The following SEZ6 variants were observed in gnomAD, a reference collection of about 807,000 sequenced individuals.
SEZ6 encodes the protein seizure protein 6 homolog.
SEZ6 carries 53 observed loss-of-function variants against 101.0 expected under a neutral mutation model. The ratio of observed to expected loss-of-function variants is 0.52; its 90% CI spans 0.42 to 0.66. SEZ6 has a LOEUF of 0.66. Ranked by LOEUF, SEZ6 falls within the 30% of genes least tolerant of loss-of-function variation. The pLI, the probability that SEZ6 is intolerant of heterozygous loss-of-function variation, is 0.00. For missense variants in SEZ6, 1,102 were observed against 1,289.4 expected, an observed-to-expected ratio of 0.85 and a Z score of 2.23; for synonymous variants, 488 against 512.2, an observed-to-expected ratio of 0.95 and a Z score of 0.64.
intron 1 of SEZ6, among the ~76,000 whole-genome samples, chr17:28,997,545 C>T (rs770913339): frequency 6.6e-6 from 1 of 152,228 alleles, no homozygotes; most frequent in African/African-American, 2.4e-5. Flanking sequence ...AGCTGGCGCT[C>T]ACCCCCACTG....
At chr17:28,991,934 C>T (rs1425912214) in intron 1 of SEZ6, among the ~76,000 whole-genome samples, 1 of 152,246 alleles carries the variant, frequency 6.6e-6, no homozygotes, top group Non-Finnish European at 1.5e-5. Context: ...GCCAGGAACA[C>T]TTAGCTTCGT....
chr17:28,965,948 G>C (rs560688482), intron 4 of SEZ6, among the ~76,000 whole-genome samples: 5 of 151,220 alleles, frequency 3.3e-5, no homozygotes, highest in African/African-American at 4.9e-5. Flanking sequence ...AGACCAGCCT[G>C]GCCAACATGG....
chr17:28,986,299 T>C (rs1026851691), intron 1 of SEZ6, among the ~76,000 whole-genome samples: 2 of 152,052 alleles, frequency 1.3e-5, no homozygotes, highest in Admixed American at 6.5e-5. Flanking sequence ...GGCCCCTTCC[T>C]CCCAACCCCA....
At chr17:28,965,463 G>C (rs946149921) in intron 4 of SEZ6, among the ~76,000 whole-genome samples, 1 of 151,940 alleles carries the variant, frequency 6.6e-6, no homozygotes, top group Admixed American at 6.6e-5. Flanking sequence ...ACATAGTGAG[G>C]TCCCCATCTC....
intron 4 of SEZ6, 141 bp downstream of exon 4, chr17:28,969,616 G>A: frequency 1.3e-6 from 1 of 767,650 alleles, no homozygotes; most frequent in South Asian, 2.7e-5. Flanking sequence ...ATTGTCCAGA[G>A]CTTCACTGGA....
chr17:28,986,336 T>A (rs902199905), intron 1 of SEZ6, among the ~76,000 whole-genome samples: 1 of 152,090 alleles, frequency 6.6e-6, no homozygotes, highest in African/African-American at 2.4e-5. Context: ...GAGGACCGCT[T>A]ACCCCGCCTC....
At chr17:29,002,832 A>T (rs2041633050) in intron 1 of SEZ6, among the ~76,000 whole-genome samples, 1 of 152,194 alleles carries the variant, frequency 6.6e-6, no homozygotes. Flanking sequence ...TAACCCTTGC[A>T]GCACTAGGGC....
At position 28,960,797 on chromosome 17, in the gene SEZ6, C is replaced by A; in HGVS notation, c.1409+8G>T. 2.5e-6 allele frequency: 4 copies of A among 1,613,762 alleles called. No homozygotes were observed. Among genetic ancestry groups the A allele is most frequent in the Non-Finnish European group, 3.4e-6 (4 of 1,179,776 alleles). ...AGGCACTCCCATTCCACTAGGACAG[C>A]CCCTCACCTGTCATCATCCTCTGCC... On this transcript the variant is annotated splice_region_variant and intron_variant, in intron 6 of 16. Transcript: ENST00000317338.
intron 4 of SEZ6, among the ~76,000 whole-genome samples, chr17:28,966,224 T>G (rs1349369537): frequency 1.3e-5 from 2 of 151,204 alleles, no homozygotes. Flanking sequence ...CTCACACCTG[T>G]AATCCCAGCA....
chr17:28,977,398 G>A (rs892410717), intron 3 of SEZ6, among the ~76,000 whole-genome samples: 2 of 152,348 alleles, frequency 1.3e-5, no homozygotes, highest in South Asian at 4.1e-4. Context: ...TGTCCCCAAG[G>A]ACCCTGCCCC....
At position 28,981,610 on chromosome 17, in the gene SEZ6, G is replaced by A; in HGVS notation, c.485C>T (p.Ala162Val). ...TAPLPPGPSM[A>V]VPTLGPGEIA... ...CTCCCCTGGGCCTAGGGTGGGCACT[G>A]CCATGCTGGGCCCTGGAGGTAGGGG... The change falls in exon 2 of 17, where the codon GCA becomes GTA. Residue 162 changes from alanine (A) to valine (V), a missense_variant. By Grantham distance (64) the Ala-to-Val change is moderately conservative. Around this residue, in one of 3 missense-constraint regions of SEZ6, gnomAD observed 406 missense variants for 418.6 expected, o/e 0.97. Coordinates refer to ENST00000317338, the MANE Select transcript of SEZ6 (RefSeq NM_178860.5). 6.3e-7 allele frequency: 1 copy of A among 1,596,248 alleles called. No individual in the cohort carries two copies. The highest frequency in any genetic ancestry group is 1.7e-5 in the Admixed American group (1 of 58,894).
chr17:28,988,684 C>CAAGAAA (rs2041416643), intron 1 of SEZ6, among the ~76,000 whole-genome samples: 1 of 152,218 alleles, frequency 6.6e-6, no homozygotes. Flanking sequence ...CTTGGTCAAC[C>CAAGAAA]CCTGCAGTCC....
chr17:28,968,707 C>T (rs191540011), intron 4 of SEZ6, among the ~76,000 whole-genome samples: 1 of 152,158 alleles, frequency 6.6e-6, no homozygotes, highest in South Asian at 2.1e-4. Context: ...TCCAAGCAGC[C>T]CCATCTCCAG....
At chr17:28,976,721 T>A (rs2041226040) in intron 3 of SEZ6, among the ~76,000 whole-genome samples, 1 of 152,130 alleles carries the variant, frequency 6.6e-6, no homozygotes, top group Non-Finnish European at 1.5e-5. Context: ...CGGAAGCCCT[T>A]ACCCTTACCC....
intron 3 of SEZ6, 119 bp downstream of exon 3, chr17:28,979,561 G>A: frequency 1.4e-6 from 2 of 1,449,560 alleles, no homozygotes; most frequent in Non-Finnish European, 1.9e-6. Context: ...CCTGGCCTTA[G>A]GCGATGCCCC....
intron 2 of SEZ6, among the ~76,000 whole-genome samples, chr17:28,980,916 G>C (rs2041291304): frequency 6.6e-6 from 1 of 152,014 alleles, no homozygotes; most frequent in African/African-American, 2.4e-5. Context: ...TCTTTTTTGA[G>C]ACAGAGTCTC....
chr17:28,960,236 G>T lies in SEZ6; in HGVS notation c.1576+269C>A, dbSNP rs2152683871. 9 of 584,980 alleles carry T rather than the reference G, an allele frequency of 1.5e-5. No homozygotes were observed. The South Asian group carries it at 1.8e-4, about 12-fold the overall frequency. The allele number at this position is 584,980 out of a possible 1,614,324, so 36.2% of individuals were successfully genotyped here. The stretch of plus-strand genomic sequence containing the variant: ...ACAGCAATTCTTTCTTAAGGGTTGA[G>T]GCCTTTTTTGCTTTTCAAAATCTGG... On this transcript the variant is annotated intron_variant, in intron 7 of 16. Coordinates refer to ENST00000317338, the MANE Select transcript of SEZ6 (RefSeq NM_178860.5).
rs2040943907 is a variant in SEZ6, at chr17:28,959,612, GCCCCTGTGGCCC to G, written c.1771+74_1771+85del. On this transcript the variant is annotated intron_variant, in intron 8 of 16. Coordinates refer to ENST00000317338, the MANE Select transcript of SEZ6 (RefSeq NM_178860.5). The surrounding 1 kb of genome is among the most constrained non-coding windows in gnomAD (Gnocchi z 4.4). ...AAGCCTGAACCACGCATATCACAGG[GCCCCTGTGGCCC>G]CGGGCTCTGCTGCTATTCTCCTGGT... The G allele has an allele frequency of 2.6e-6, 4 of 1,530,370 alleles. No homozygotes were observed. The East Asian group carries it at 9.0e-5, about 35-fold the overall frequency. The allele number at this position is 1,530,370 out of a possible 1,614,324, so 94.8% of individuals were successfully genotyped here.
Position 28,960,824 on chromosome 17 carries a change from G to A in SEZ6, c.1390C>T (p.Leu464=). The change falls in exon 6 of 17, where the codon CTG becomes TTG. Residue 464 remains leucine (L), a synonymous_variant. Transcript: ENST00000317338. The part of the protein sequence containing the change: ...RLHLHFEKVS[L]AEDDDRLIIR... ...CCTCACCTGTCATCATCCTCTGCCA[G>A]GGAAACCTTCTCAAAGTGCAGGTGT... 1 of 1,613,902 alleles carries A rather than the reference G, an allele frequency of 6.2e-7. No individual in the cohort carries two copies. Among genetic ancestry groups the A allele is most frequent in the Non-Finnish European group, 8.5e-7 (1 of 1,179,852 alleles).
Sources: gnomAD v4.1 joint callset for allele counts (sites outside exome capture counted in the v4.1 genomes callset) on GRCh38, gnomAD v4.1.1 for gene constraint, gnomAD v4.1.1 regional missense constraint, Gnocchi (gnomAD v3.1) non-coding constraint, MANE v1.5 for transcripts, NCBI Gene and HGNC (gene_info 2026-07-23, HGNC 2026-07-21) for gene names.